The following MTIF2 variants were observed in gnomAD, a reference collection of about 807,000 sequenced individuals.
MTIF2 encodes the protein translation initiation factor IF-2, mitochondrial.
In MTIF2, 71 loss-of-function variants were observed where a neutral mutation model predicts 83.5. That is an observed-to-expected ratio of 0.85 (90% CI 0.70 to 1.04). The LOEUF is 1.04. MTIF2 is among the 50% of genes least tolerant of loss of function. The probability of loss-of-function intolerance (pLI) is 0.00; values close to 1 mark genes in which losing one functional copy is unlikely to be tolerated. For missense variants in MTIF2, 957 were observed against 846.5 expected, an observed-to-expected ratio of 1.13 and a Z score of -1.62; for synonymous variants, 319 against 287.1, an observed-to-expected ratio of 1.11 and a Z score of -1.12.
intron 9 of MTIF2, among the ~76,000 whole-genome samples, chr2:55,246,726 T>C (rs1396292198): frequency 6.6e-6 from 1 of 151,052 alleles, no homozygotes; most frequent in Non-Finnish European, 1.5e-5. Context: ...CAAGTGGCTA[T>C]TTTTTTTAAA....
Position 55,254,653 on chromosome 2 carries a change from C to G in MTIF2, c.503+1G>C. ...TGCCAGTATATACAGTTAAGTTTTA[C>G]CTTCTTACAGCATCTTTATTTTTTC... On this transcript the variant is annotated splice_donor_variant, in intron 6 of 15. Transcript: ENST00000263629. LOFTEE classifies it high-confidence loss of function. The G allele has an allele frequency of 6.3e-7, 1 of 1,593,240 alleles. No homozygotes were observed. Among genetic ancestry groups the G allele is most frequent in the Non-Finnish European group, 8.5e-7 (1 of 1,170,556 alleles).
intron 8 of MTIF2, among the ~76,000 whole-genome samples, chr2:55,251,059 A>G (rs1306925311): frequency 2.0e-5 from 3 of 148,210 alleles, no homozygotes; most frequent in Non-Finnish European, 3.0e-5. Flanking sequence ...GAAGTGAGCC[A>G]AGATTGCACC....
At chr2:55,257,138 T>C (rs1185666274) in intron 5 of MTIF2, among the ~76,000 whole-genome samples, 1 of 152,238 alleles carries the variant, frequency 6.6e-6, no homozygotes, top group Non-Finnish European at 1.5e-5. Flanking sequence ...AGTAGTTTTA[T>C]GTTCCAGACT....
intron 14 of MTIF2, among the ~76,000 whole-genome samples, chr2:55,239,522 G>A (rs1177210726): frequency 2.0e-5 from 3 of 151,758 alleles, no homozygotes; most frequent in African/African-American, 7.3e-5. Flanking sequence ...AAATCTACGT[G>A]GGGAGGAAAA....
Position 55,259,397 on chromosome 2 carries a change from A to ACTG in MTIF2, c.331+2916_331+2918dup, listed in dbSNP as rs561086012. Among the ~76,000 whole-genome samples the ACTG allele has an allele frequency of 3.3e-5, 5 of 152,166 alleles. No homozygotes were observed. The South Asian group carries it at 1.0e-3, about 32-fold the overall frequency. On this transcript the variant is annotated intron_variant, in intron 5 of 15. Transcript: ENST00000263629. ...AGACAATCAGTTTGGGGTTTAGAGTACTGCTCCATGAGACTAAATTTGTAT... is the reference window on the plus strand; with the variant it reads ...AGACAATCAGTTTGGGGTTTAGAGTACTGCTGCTCCATGAGACTAAATTTGTAT...
At chr2:55,250,035 G>A (rs1391500159) in intron 8 of MTIF2, among the ~76,000 whole-genome samples, 2 of 152,170 alleles carry the variant, frequency 1.3e-5, no homozygotes, top group Non-Finnish European at 2.9e-5. Flanking sequence ...AGAGCTTGCA[G>A]TGAGCTGAAA....
In MTIF2 at chr2:55,237,312, G is replaced by A. The variant is rs762071712; in HGVS notation, c.1987C>T (p.Arg663Cys). ...LEKQKKFKLTRNGHVIWKGSL... is the reference protein window; with the variant it reads ...LEKQKKFKLTCNGHVIWKGSL... ...CCCTTCCAAATTACATGTCCATTAC[G>A]GGTTAGTTTAAATTTTTTTTGTTTT... is the stretch of plus-strand genomic sequence containing the variant. The change falls in exon 15 of 16, where the codon CGT becomes TGT. Residue 663 changes from arginine (R) to cysteine (C), a missense_variant. By Grantham distance (180) the Arg-to-Cys change is radical. Transcript: ENST00000263629. The A allele has an allele frequency of 8.1e-6, 13 of 1,612,478 alleles. No homozygotes were observed. The highest frequency in any genetic ancestry group is 1.1e-5 in the South Asian group (1 of 90,834).
At chr2:55,263,404 G>C (rs1455539457) in intron 4 of MTIF2, among the ~76,000 whole-genome samples, 1 of 152,062 alleles carries the variant, frequency 6.6e-6, no homozygotes, top group African/African-American at 2.4e-5. Flanking sequence ...TGTACTCATG[G>C]TTCTAGGCAC....
At chr2:55,256,445 C>T (rs1390216050) in intron 5 of MTIF2, among the ~76,000 whole-genome samples, 6 of 151,812 alleles carry the variant, frequency 4.0e-5, no homozygotes, top group South Asian at 2.1e-4. Context: ...CGGTGGCTCA[C>T]GCCTGTAATC....
At chr2:55,249,603 A>T in intron 8 of MTIF2, 69 bp from the exon 9 acceptor site, 1 of 1,556,920 alleles carries the variant, frequency 6.4e-7, no homozygotes, top group South Asian at 1.2e-5. Flanking sequence ...ACAGTGAAAG[A>T]CATCAACTTT....
chr2:55,262,798 G>A (rs1378631389), intron 4 of MTIF2, among the ~76,000 whole-genome samples: 6 of 151,346 alleles, frequency 4.0e-5, no homozygotes, highest in African/African-American at 1.5e-4. Flanking sequence ...GCACAATTTC[G>A]GCTCACTGAA....
At chr2:55,254,438 A>G (rs903492079) in intron 6 of MTIF2, among the ~76,000 whole-genome samples, 6 of 152,208 alleles carry the variant, frequency 3.9e-5, no homozygotes, top group African/African-American at 1.4e-4. Context: ...GAAAATTCAG[A>G]CCAATGTATA....
chr2:55,262,214 C>A, intron 5 of MTIF2, 102 bp downstream of exon 5: 1 of 785,786 alleles, frequency 1.3e-6, no homozygotes, highest in Non-Finnish European at 2.2e-6. Context: ...TTTTTAAGTG[C>A]CAGTCTAGTT....
intron 8 of MTIF2, among the ~76,000 whole-genome samples, chr2:55,251,764 C>G (rs1343170303): frequency 6.6e-6 from 1 of 152,126 alleles, no homozygotes; most frequent in African/African-American, 2.4e-5. Context: ...GCTGGGATTA[C>G]AGGTATGTGC....
rs1347400590 is a variant in MTIF2 at position 55,252,588 on chromosome 2, T to C, written c.730A>G (p.Met244Val). ...GTGACCTGAGCACCTCTGGCTCTCA[T>C]TGCTGAGAAAGCAGCATGTCCTGGA... ...DTPGHAAFSA[M>V]RARGAQVTDI... is the part of the protein sequence containing the mutation. Residue 244 changes from methionine to valine, a missense_variant, in exon 8 of 16, where the codon ATG (methionine) becomes GTG (valine). By Grantham distance (21) the Met-to-Val change is conservative. Around this residue, in one of 3 missense-constraint regions of MTIF2, gnomAD observed 733 missense variants for 648.7 expected, o/e 1.13. Transcript: ENST00000263629. The C allele has an allele frequency of 2.5e-6, 4 of 1,614,126 alleles. No individual in the cohort carries two copies. Among genetic ancestry groups the C allele is most frequent in the Admixed American group, 1.7e-5 (1 of 60,016 alleles).
At chr2:55,243,204 TA>T in intron 12 of MTIF2, 124 bp from the exon 13 acceptor site, 1 of 1,134,984 alleles carries the variant, frequency 8.8e-7, no homozygotes. Context: ...CACTTTTATT[TA>T]GGCTTAGCAT....
At chr2:55,237,840 G>C (rs965596656) in intron 14 of MTIF2, among the ~76,000 whole-genome samples, 3 of 151,484 alleles carry the variant, frequency 2.0e-5, no homozygotes, top group Non-Finnish European at 4.4e-5. Flanking sequence ...TAGTAGAGAC[G>C]GGGTTTCACC....
chr2:55,266,804 G>A (rs977282531), intron 3 of MTIF2, among the ~76,000 whole-genome samples: 1 of 114,282 alleles, frequency 8.8e-6, no homozygotes, highest in African/African-American at 3.5e-5. Flanking sequence ...GTCTCGCTCT[G>A]TTGCCCAGGG....
intron 5 of MTIF2, among the ~76,000 whole-genome samples, chr2:55,255,852 C>A (rs1184710196): frequency 6.6e-6 from 1 of 152,016 alleles, no homozygotes; most frequent in African/African-American, 2.4e-5. Context: ...CCAATAATAA[C>A]TGCAAGAGAA....
Sources: gnomAD v4.1 joint callset for allele counts (sites outside exome capture counted in the v4.1 genomes callset) on GRCh38, gnomAD v4.1.1 for gene constraint, gnomAD v4.1.1 regional missense constraint, MANE v1.5 for transcripts, NCBI Gene and HGNC (gene_info 2026-07-23, HGNC 2026-07-21) for gene names.